The following THSD7B variants were observed in gnomAD, a reference collection of about 807,000 sequenced individuals.
THSD7B encodes thrombospondin type 1 domain containing 7B.
A neutral mutation model predicts 213.6 loss-of-function variants in THSD7B; 138 were observed. The ratio of observed to expected loss-of-function variants is 0.65; its 90% CI spans 0.56 to 0.74. The LOEUF is 0.74. Ranked by LOEUF, THSD7B falls within the 30% of genes least tolerant of loss-of-function variation. The pLI, the probability that THSD7B is intolerant of heterozygous loss-of-function variation, is 0.00. For synonymous variants in THSD7B, 742 were observed against 687.0 expected (o/e 1.08, Z -1.25); for missense variants, 1,931 against 1,991.5 (o/e 0.97, Z 0.58).
At chr2:137,140,665 A>G (rs1481125878) in intron 5 of THSD7B, among the ~76,000 whole-genome samples, 1 of 152,156 alleles carries the variant, frequency 6.6e-6, no homozygotes, top group Non-Finnish European at 1.5e-5. Flanking sequence ...TAAGATAACT[A>G]AGGGTAATTT....
chr2:136,774,783 G>A (rs1255167817), intron 1 of THSD7B, among the ~76,000 whole-genome samples: 2 of 152,096 alleles, frequency 1.3e-5, no homozygotes, highest in African/African-American at 2.4e-5. Flanking sequence ...AGATGTTTCC[G>A]TTGGATTACA....
chr2:137,308,008 G>GC (rs1683798006), intron 12 of THSD7B, among the ~76,000 whole-genome samples: 1 of 151,974 alleles, frequency 6.6e-6, no homozygotes, highest in African/African-American at 2.4e-5. Flanking sequence ...TTTCTACCAT[G>GC]CGAGTCCTTT....
chr2:136,846,111 C>G (rs1683005849), intron 1 of THSD7B, among the ~76,000 whole-genome samples: 1 of 152,088 alleles, frequency 6.6e-6, no homozygotes, highest in Non-Finnish European at 1.5e-5. Context: ...ATGCTTAACC[C>G]CAGGGGTTGA....
rs141175011 is a variant in THSD7B, at chr2:137,471,679, C to T, written c.3138+20656C>T. On this transcript the variant is annotated intron_variant, in intron 15 of 27. Transcript: ENST00000409968. ...TAGAAAAGAGGCTCACACAAGTCATCGAAGCAATTCAAACCCATTTTGGGG... is the reference window on the plus strand; with the variant it reads ...TAGAAAAGAGGCTCACACAAGTCATTGAAGCAATTCAAACCCATTTTGGGG... Among the ~76,000 whole-genome samples the T allele has an allele frequency of 7.2e-5, 11 of 152,176 alleles. 1 individual carries two copies. The East Asian group carries it at 1.6e-3, about 22-fold the overall frequency.
At chr2:137,672,958 A>G (rs1161586077) in intron 27 of THSD7B, among the ~76,000 whole-genome samples, 4 of 152,186 alleles carry the variant, frequency 2.6e-5, no homozygotes, top group Non-Finnish European at 5.9e-5. Flanking sequence ...TAGATGTAGC[A>G]CCTGGAAGTT....
chr2:137,166,097 G>C (rs913640746), intron 6 of THSD7B, among the ~76,000 whole-genome samples: 1 of 152,240 alleles, frequency 6.6e-6, no homozygotes, highest in African/African-American at 2.4e-5. Flanking sequence ...GCTTGTGGCT[G>C]TTGGTTATTC....
rs188242098 is a variant in THSD7B at position 137,336,935 on chromosome 2, A to G, written c.2500+60909A>G. Among the ~76,000 whole-genome samples the G allele has an allele frequency of 3.5e-3, 530 of 152,128 alleles. 3 individuals carry two copies. The highest frequency in any genetic ancestry group is 0.012 in the African/African-American group (498 of 41,532). On this transcript the variant is annotated intron_variant, in intron 12 of 27. Transcript: ENST00000409968. ...TTTTTAATGTATCAACTTTATATTT[A>G]CTTTCTATTTAAAATACTTTAAAAA...
intron 2 of THSD7B, among the ~76,000 whole-genome samples, chr2:136,920,650 G>A (rs1219798859): frequency 6.6e-6 from 1 of 152,180 alleles, no homozygotes. Context: ...CTGGCTTGAA[G>A]GAGGGGTTTC....
At chr2:137,208,739 C>T (rs1681039145) in intron 7 of THSD7B, among the ~76,000 whole-genome samples, 1 of 151,968 alleles carries the variant, frequency 6.6e-6, no homozygotes, top group Non-Finnish European at 1.5e-5. Flanking sequence ...TCCTCAAGCA[C>T]TGAGTCAGCC....
chr2:137,070,968 G>T lies in THSD7B; in HGVS notation c.950+13738G>T, dbSNP rs1324152812. ...TTCTTAATCCAATCTGTCGTTGTTG[G>T]ACATTTAGGTTAGCTCCAAGTCTTT... On this transcript the variant is annotated intron_variant, in intron 3 of 27. Coordinates refer to ENST00000409968, the MANE Select transcript of THSD7B (RefSeq NM_001316349.2). Among the ~76,000 whole-genome samples the T allele has an allele frequency of 2.6e-5, 4 of 152,144 alleles. No individual in the cohort carries two copies. In the East Asian group the frequency reaches 7.7e-4, roughly 29 times the overall value.
At chr2:137,454,898 G>A (rs1413466750) in intron 15 of THSD7B, among the ~76,000 whole-genome samples, 3 of 152,000 alleles carry the variant, frequency 2.0e-5, no homozygotes, top group African/African-American at 7.2e-5. Flanking sequence ...CCATAAGTAA[G>A]AGCTTTAAAA....
chr2:137,603,354 T>TTAAG (rs756273647), intron 17 of THSD7B, among the ~76,000 whole-genome samples: 5 of 152,354 alleles, frequency 3.3e-5, no homozygotes, highest in East Asian at 3.9e-4. Flanking sequence ...TTTTTTTCTT[T>TTAAG]TAAGTACACT....
chr2:137,272,724 C>A (rs1682775229), intron 11 of THSD7B, 62 bp downstream of exon 11: 2 of 1,548,644 alleles, frequency 1.3e-6, no homozygotes, highest in East Asian at 2.3e-5. Flanking sequence ...TATTTTCTTT[C>A]ACATAACATA....
intron 26 of THSD7B, among the ~76,000 whole-genome samples, chr2:137,665,121 G>A (rs1683422753): frequency 6.6e-6 from 1 of 152,136 alleles, no homozygotes; most frequent in Non-Finnish European, 1.5e-5. Flanking sequence ...AATGCCAAAG[G>A]TGTTTAAAAA....
intron 5 of THSD7B, among the ~76,000 whole-genome samples, chr2:137,144,992 A>T (rs1037079242): frequency 6.6e-6 from 1 of 152,038 alleles, no homozygotes; most frequent in African/African-American, 2.4e-5. Flanking sequence ...TTATTATAAG[A>T]TATAATTAAG....
chr2:137,199,462 T>C (rs1680834125), intron 7 of THSD7B, among the ~76,000 whole-genome samples: 1 of 152,210 alleles, frequency 6.6e-6, no homozygotes, highest in Admixed American at 6.5e-5. Flanking sequence ...AAGTATTTCA[T>C]ATGTGCATAT....
At chr2:137,499,448 A>G (rs1679651096) in intron 15 of THSD7B, among the ~76,000 whole-genome samples, 1 of 152,202 alleles carries the variant, frequency 6.6e-6, no homozygotes, top group Non-Finnish European at 1.5e-5. Flanking sequence ...AAGCAAAGTA[A>G]CAAAATAATT....
chr2:136,823,080 C>T (rs577493292), intron 1 of THSD7B, among the ~76,000 whole-genome samples: 10 of 152,142 alleles, frequency 6.6e-5, no homozygotes, highest in African/African-American at 1.4e-4. Flanking sequence ...GCACAGCACA[C>T]GCTTTCTGGT....
At chr2:137,132,273 A>T (rs1331474150) in intron 5 of THSD7B, among the ~76,000 whole-genome samples, 3 of 150,834 alleles carry the variant, frequency 2.0e-5, no homozygotes, top group African/African-American at 4.9e-5. Flanking sequence ...GCTTAAGGAG[A>T]TTTTAGGCTG....
Sources: gnomAD v4.1 joint callset for allele counts (sites outside exome capture counted in the v4.1 genomes callset) on GRCh38, gnomAD v4.1.1 for gene constraint, MANE v1.5 for transcripts, NCBI Gene and HGNC (gene_info 2026-07-23, HGNC 2026-07-21) for gene names.